The following GRM5 variants were observed in gnomAD, a reference collection of about 807,000 sequenced individuals.
GRM5 encodes the protein glutamate metabotropic receptor 5.
GRM5 carries 19 observed loss-of-function variants against 83.1 expected under a neutral mutation model. The observed-to-expected ratio is 0.23, with a 90% CI of 0.16 to 0.34. The LOEUF (loss-of-function observed/expected upper bound fraction) is 0.34. Among genes scored for constraint, GRM5 ranks in the 10% least tolerant of loss-of-function variants. GRM5 has a pLI of 1.00. For missense variants in GRM5, 1,160 were observed against 1,588.3 expected (o/e 0.73, Z 4.58); for synonymous variants, 675 against 633.6 (o/e 1.07, Z -0.98).
At chr11:88,632,788 A>C (rs1265792723) in intron 4 of GRM5, among the ~76,000 whole-genome samples, 2 of 152,218 alleles carry the variant, frequency 1.3e-5, no homozygotes, top group Non-Finnish European at 2.9e-5. Context: ...ATAGCATTTT[A>C]TATTCTCATC....
rs147109960 is a variant in GRM5, at chr11:89,047,786, A to G, written c.87T>C (p.Ala29=). The G allele has an allele frequency of 6.8e-4, 1,097 of 1,614,002 alleles. 2 individuals carry two copies. The African/African-American group carries it at 0.013, about 18-fold the overall frequency. ...CAATAATGATGTCACCCGGCATGTG[A>G]GCCACCACCCTCCTCTCACTGGACT... The part of the protein sequence containing the change: ...SAQSSERRVV[A]HMPGDIIIGA... Residue 29 remains alanine, a synonymous_variant, in exon 2 of 10, where the codon GCT becomes GCC. Transcript: ENST00000305447. This position sits in a 1 kb window ranked among gnomAD's most constrained non-coding sequence, Gnocchi z 5.1.
chr11:88,628,967 A>G (rs183965562), intron 4 of GRM5, among the ~76,000 whole-genome samples: 1 of 152,310 alleles, frequency 6.6e-6, no homozygotes, highest in East Asian at 1.9e-4. Flanking sequence ...CAGGCCTCTA[A>G]GTAGCACACA....
intron 3 of GRM5, among the ~76,000 whole-genome samples, chr11:88,711,707 G>T (rs1167362369): frequency 1.3e-5 from 2 of 152,072 alleles, no homozygotes; most frequent in African/African-American, 4.8e-5. Flanking sequence ...TTGAAAACAT[G>T]TAAAACAGTG....
chr11:88,812,589 A>G (rs528089380), intron 3 of GRM5, among the ~76,000 whole-genome samples: 1 of 152,278 alleles, frequency 6.6e-6, no homozygotes, highest in African/African-American at 2.4e-5. Flanking sequence ...ATTGTTCAGT[A>G]AGTGGAAGAG....
chr11:88,849,274 C>T (rs1469878605), intron 3 of GRM5, among the ~76,000 whole-genome samples: 3 of 151,858 alleles, frequency 2.0e-5, no homozygotes, highest in Non-Finnish European at 4.4e-5. Flanking sequence ...GGTTTTATTT[C>T]TCTGGAGAAT....
At chr11:88,925,534 T>C (rs1945774699) in intron 2 of GRM5, among the ~76,000 whole-genome samples, 1 of 152,082 alleles carries the variant, frequency 6.6e-6, no homozygotes, top group Non-Finnish European at 1.5e-5. Context: ...GCATAGATAA[T>C]AGTTTACTGA....
intron 2 of GRM5, among the ~76,000 whole-genome samples, chr11:88,993,691 A>C (rs1415846107): frequency 6.6e-6 from 1 of 152,068 alleles, no homozygotes; most frequent in Non-Finnish European, 1.5e-5. Flanking sequence ...GAATTCAGTA[A>C]ATTTTTTTTC....
intron 3 of GRM5, among the ~76,000 whole-genome samples, chr11:88,697,284 C>T (rs530081865): frequency 1.1e-4 from 16 of 152,138 alleles, no homozygotes; most frequent in African/African-American, 2.7e-4. Context: ...TTTTTCTCTG[C>T]GGCACTTTTT....
rs543341507 is a variant in GRM5 at position 88,516,858 on chromosome 11, C to G, written c.2727-7354G>C. On this transcript the variant is annotated intron_variant, in intron 9 of 9. Coordinates refer to ENST00000305447, the MANE Select transcript of GRM5 (RefSeq NM_001143831.3). ...AACAAATTTAAATCTACCATGGACA[C>G]CATTATTTTGCTTAATGTCAATCTT... is the stretch of plus-strand genomic sequence containing the variant. Among the ~76,000 whole-genome samples, 3 of 152,046 alleles carry G rather than the reference C, an allele frequency of 2.0e-5. No homozygotes were observed. The South Asian group carries it at 6.2e-4, about 32-fold the overall frequency.
At chr11:88,970,817 G>A (rs1249434016) in intron 2 of GRM5, among the ~76,000 whole-genome samples, 4 of 152,186 alleles carry the variant, frequency 2.6e-5, no homozygotes, top group East Asian at 1.9e-4. Context: ...AGTGGGCAGT[G>A]GTATGTAGGG....
At chr11:88,771,777 G>T (rs900010189) in intron 3 of GRM5, among the ~76,000 whole-genome samples, 1 of 152,086 alleles carries the variant, frequency 6.6e-6, no homozygotes, top group African/African-American at 2.4e-5. Flanking sequence ...TACACTCATG[G>T]TTTTGAAGAC....
At chr11:88,620,635 G>C (rs939748044) in intron 4 of GRM5, among the ~76,000 whole-genome samples, 2 of 152,224 alleles carry the variant, frequency 1.3e-5, no homozygotes, top group African/African-American at 4.8e-5. Context: ...GGCTTGGGCG[G>C]TGACTGGTGT....
chr11:88,943,299 T>C (rs1054680084), intron 2 of GRM5, among the ~76,000 whole-genome samples: 5 of 152,082 alleles, frequency 3.3e-5, no homozygotes, highest in African/African-American at 1.2e-4. Flanking sequence ...TCTCCAGACA[T>C]CTAGAAATCA....
chr11:88,573,826 T>C (rs1943053577), intron 7 of GRM5, among the ~76,000 whole-genome samples: 1 of 152,202 alleles, frequency 6.6e-6, no homozygotes, highest in South Asian at 2.1e-4. Context: ...TTTACCTCTC[T>C]GGATTTGGAT....
intron 2 of GRM5, among the ~76,000 whole-genome samples, chr11:88,994,448 TATATATATATATATATATATATATATA>T (rs1940103164): frequency 5.8e-5 from 1 of 17,162 alleles, no homozygotes; most frequent in Admixed American, 5.0e-4. Context: ...TAACTGATTA[TATATATATATATATATATATATATATA>T]TATATATATA....
At chr11:88,932,898 G>A (rs545207621) in intron 2 of GRM5, among the ~76,000 whole-genome samples, 34 of 151,910 alleles carry the variant, frequency 2.2e-4, no homozygotes, top group Admixed American at 6.6e-4. Flanking sequence ...ATTAAAGACC[G>A]CCTAAACTGT....
chr11:88,811,487 T>C (rs11021415), intron 3 of GRM5, among the ~76,000 whole-genome samples: 3 of 152,038 alleles, frequency 2.0e-5, no homozygotes, highest in Non-Finnish European at 4.4e-5. Context: ...TTCTTTTAGA[T>C]ACAGAAAGAA....
chr11:88,966,286 C>G (rs1938958952), intron 2 of GRM5, among the ~76,000 whole-genome samples: 1 of 151,770 alleles, frequency 6.6e-6, no homozygotes, highest in Non-Finnish European at 1.5e-5. Flanking sequence ...GAATAAAGAC[C>G]TTAAATCAAT....
intron 1 of GRM5, among the ~76,000 whole-genome samples, chr11:89,061,503 C>T (rs932307411): frequency 1.3e-5 from 2 of 152,072 alleles, no homozygotes; most frequent in African/African-American, 4.8e-5. Flanking sequence ...AAAGTGAGCA[C>T]CTTTGATGAG....
Sources: gnomAD v4.1 joint callset for allele counts (sites outside exome capture counted in the v4.1 genomes callset) on GRCh38, gnomAD v4.1.1 for gene constraint, Gnocchi (gnomAD v3.1) non-coding constraint, MANE v1.5 for transcripts, NCBI Gene and HGNC (gene_info 2026-07-23, HGNC 2026-07-21) for gene names.